The following CACNA1A variants were observed in gnomAD, a reference collection of about 807,000 sequenced individuals.
CACNA1A encodes the protein calcium voltage-gated channel subunit alpha1 A.
CACNA1A carries 57 observed loss-of-function variants against 262.4 expected under a neutral mutation model. The ratio of observed to expected loss-of-function variants is 0.22; its 90% CI spans 0.18 to 0.27. The LOEUF (loss-of-function observed/expected upper bound fraction) is 0.27. CACNA1A is among the 10% of genes least tolerant of loss of function. CACNA1A has a pLI of 1.00. For missense variants in CACNA1A, 2,526 were observed against 3,562.8 expected, an observed-to-expected ratio of 0.71 and a Z score of 7.41; for synonymous variants, 1,431 against 1,419.3, an observed-to-expected ratio of 1.01 and a Z score of -0.18.
intron 3 of CACNA1A, among the ~76,000 whole-genome samples, chr19:13,429,149 A>G (rs1249576405): frequency 7.0e-6 from 1 of 142,464 alleles, no homozygotes; most frequent in African/African-American, 2.7e-5. Context: ...CTCCCCCTCC[A>G]GCCTCTATCA....
chr19:13,233,728 C>T (rs1399110963), intron 34 of CACNA1A, among the ~76,000 whole-genome samples: 2 of 152,082 alleles, frequency 1.3e-5, no homozygotes, highest in Admixed American at 6.6e-5. Flanking sequence ...TGGGCTAAAG[C>T]GATCCTCCCA....
chr19:13,369,966 G>C (rs186533921), intron 4 of CACNA1A, among the ~76,000 whole-genome samples: 160 of 152,286 alleles, frequency 1.1e-3, no homozygotes, highest in Non-Finnish European at 1.8e-3. Flanking sequence ...CAATGAACCG[G>C]AAGAACGAAG....
At chr19:13,265,773 A>G (rs1294387439) in intron 24 of CACNA1A, among the ~76,000 whole-genome samples, 1 of 151,768 alleles carries the variant, frequency 6.6e-6, no homozygotes, top group East Asian at 1.9e-4. Flanking sequence ...CCTCCCTAAC[A>G]CTTAGTAATT....
At chr19:13,280,306 G>A (rs1398995493) in intron 22 of CACNA1A, among the ~76,000 whole-genome samples, 4 of 151,696 alleles carry the variant, frequency 2.6e-5, no homozygotes, top group Admixed American at 6.6e-5. Flanking sequence ...CTCCCAAGTG[G>A]CTGGGACCAC....
At chr19:13,413,369 G>A (rs1221383808) in intron 3 of CACNA1A, among the ~76,000 whole-genome samples, 1 of 151,218 alleles carries the variant, frequency 6.6e-6, no homozygotes, top group South Asian at 2.1e-4. Flanking sequence ...GCCTCCCAAA[G>A]TGCTGGGATT....
At position 13,506,179 on chromosome 19, in the gene CACNA1A, C is replaced by A; in HGVS notation, c.46G>T (p.Gly16Cys). 1 of 1,522,956 alleles carries A rather than the reference C, an allele frequency of 6.6e-7. No homozygotes were observed. The highest frequency in any genetic ancestry group is 8.8e-7 in the Non-Finnish European group (1 of 1,137,408). 94.3% of individuals were successfully genotyped at this position (1,522,956 alleles called of 1,614,324 possible). The change falls in exon 1 of 47, where the codon GGC becomes TGC. Residue 16 changes from glycine (G) to cysteine (C), a missense_variant. Physicochemically the swap from Gly to Cys is radical, Grantham distance 159. This residue lies in a region of CACNA1A where 65 missense variants were observed against 75.6 expected (regional missense o/e 0.86). Coordinates refer to ENST00000360228, the MANE Select transcript of CACNA1A (RefSeq NM_001127222.2). ...DEMPARYGGG[G>C]SGAAAGVVVG... ...ACCACCCCGGCGGCTGCCCCGGAGC[C>A]TCCTCCCCCGTAGCGGGCCGGCATC...
chr19:13,262,709 G>A (rs758331446), intron 25 of CACNA1A, 25 bp downstream of exon 25: 11 of 1,386,092 alleles, frequency 7.9e-6, no homozygotes, highest in South Asian at 2.4e-5. Context: ...CCCCCCCACC[G>A]CACCCCACCA....
chr19:13,490,759 A>G (rs1980741351), intron 1 of CACNA1A, among the ~76,000 whole-genome samples: 1 of 148,336 alleles, frequency 6.7e-6, no homozygotes, highest in South Asian at 2.1e-4. Context: ...AAAAGAAGGA[A>G]GAAGAGAGGA....
intron 3 of CACNA1A, among the ~76,000 whole-genome samples, chr19:13,393,259 A>C (rs2059741628): frequency 6.6e-6 from 1 of 152,226 alleles, no homozygotes; most frequent in Admixed American, 6.5e-5. Flanking sequence ...TAGTAGAGTA[A>C]ATGAACAGGT....
intron 21 of CACNA1A, among the ~76,000 whole-genome samples, chr19:13,284,814 A>G (rs749603624): frequency 1.3e-5 from 2 of 152,238 alleles, no homozygotes; most frequent in African/African-American, 2.4e-5. Context: ...TATTTATGAC[A>G]AATTTGTTTA....
At chr19:13,332,800 C>A in intron 9 of CACNA1A, 69 bp downstream of exon 9, 2 of 1,034,168 alleles carry the variant, frequency 1.9e-6, no homozygotes, top group South Asian at 1.3e-5. Context: ...CTGCTCTCCC[C>A]CGACTCCCCA....
rs560457153 is a variant in CACNA1A, at chr19:13,447,319, A to T, written c.539+5557T>A. Among the ~76,000 whole-genome samples, 73 of 152,288 alleles carry T rather than the reference A, an allele frequency of 4.8e-4. 1 individual carries two copies. The South Asian group carries it at 0.012, about 25-fold the overall frequency. ...AGATGAAGTATTTCTCCTCTAGAGGAATGAGTCTAGAATCTCTTCCATCAG... is the reference window on the plus strand; with the variant it reads ...AGATGAAGTATTTCTCCTCTAGAGGTATGAGTCTAGAATCTCTTCCATCAG... On this transcript the variant is annotated intron_variant, in intron 3 of 46. Transcript: ENST00000360228.
intron 3 of CACNA1A, among the ~76,000 whole-genome samples, chr19:13,388,981 C>A (rs1599347908): frequency 6.6e-6 from 1 of 152,314 alleles, no homozygotes; most frequent in East Asian, 1.9e-4. Flanking sequence ...CGGCTCACTG[C>A]AACCTCTGCC....
intron 3 of CACNA1A, among the ~76,000 whole-genome samples, chr19:13,386,664 G>A (rs970060429): frequency 5.3e-5 from 8 of 152,054 alleles, no homozygotes; most frequent in Admixed American, 4.6e-4. Context: ...GCAGTGGCAG[G>A]CACCTGTAAT....
At chr19:13,316,779 C>T in intron 11 of CACNA1A, 1 of 218,530 alleles carries the variant, frequency 4.6e-6, no homozygotes, top group Non-Finnish European at 9.0e-6. Flanking sequence ...GTTTCTGTTT[C>T]TATCTGTCTA....
intron 4 of CACNA1A, among the ~76,000 whole-genome samples, chr19:13,368,495 G>T (rs953821271): frequency 3.3e-5 from 5 of 152,114 alleles, no homozygotes; most frequent in African/African-American, 1.2e-4. Context: ...ACCATACCTG[G>T]TTCCACTACC....
Position 13,286,609 on chromosome 19 carries a change from G to A in CACNA1A, c.3447C>T (p.Pro1149=), listed in dbSNP as rs1405853230. ...TAGCTGAATTGGTCTGGGTGCCGCT[G>A]GGGTTGGTGACGATAAGGCTATTCT... The part of the protein sequence containing the change: ...TPENSLIVTN[P]SGTQTNSAKT... Residue 1149 remains proline (P), a synonymous_variant, in exon 20 of 47, where the codon CCC becomes CCT. Transcript: ENST00000360228. 1.3e-6 allele frequency: 2 copies of A among 1,541,832 alleles called. No homozygotes were observed. Among genetic ancestry groups the A allele is most frequent in the Non-Finnish European group, 1.7e-6 (2 of 1,145,888 alleles).
At chr19:13,404,630 T>C (rs529086587) in intron 3 of CACNA1A, among the ~76,000 whole-genome samples, 2 of 152,202 alleles carry the variant, frequency 1.3e-5, no homozygotes, top group South Asian at 4.2e-4. Flanking sequence ...ATCCTCTGTG[T>C]CCTCCCCCTG....
intron 23 of CACNA1A, 140 bp downstream of exon 23, chr19:13,276,929 C>T (rs1005647969): frequency 1.2e-5 from 7 of 581,966 alleles, no homozygotes; most frequent in Middle Eastern, 3.4e-4. Flanking sequence ...CCAGGCTGGC[C>T]TCAACCTCCT....
Sources: gnomAD v4.1 joint callset for allele counts (sites outside exome capture counted in the v4.1 genomes callset) on GRCh38, gnomAD v4.1.1 for gene constraint, gnomAD v4.1.1 regional missense constraint, MANE v1.5 for transcripts, NCBI Gene and HGNC (gene_info 2026-07-23, HGNC 2026-07-21) for gene names.